Variants in TYW1 observed in about 807,000 individuals in gnomAD.
TYW1 encodes S-adenosyl-L-methionine-dependent tRNA 4-demethylwyosine synthase TYW1.
In TYW1, 46 loss-of-function variants were observed where a neutral mutation model predicts 96.2. The observed-to-expected ratio is 0.48, with a 90% confidence interval of 0.38 to 0.61. The LOEUF (loss-of-function observed/expected upper bound fraction) is 0.61. Ranked by LOEUF, TYW1 falls within the 20% of genes least tolerant of loss-of-function variation. TYW1 has a pLI of 0.00. For missense variants in TYW1, 684 were observed against 909.6 expected (o/e 0.75, Z 3.19); for synonymous variants, 274 against 323.0 (o/e 0.85, Z 1.63).
At chr7:67,189,076 C>T (rs187410935) in intron 14 of TYW1, among the ~76,000 whole-genome samples, 1 of 152,286 alleles carries the variant, frequency 6.6e-6, no homozygotes, top group East Asian at 1.9e-4. Context: ...TAGCACTAAC[C>T]TAATTGGATT....
intron 15 of TYW1, among the ~76,000 whole-genome samples, chr7:67,223,504 C>G (rs1801462411): frequency 6.6e-6 from 1 of 151,774 alleles, no homozygotes; most frequent in Non-Finnish European, 1.5e-5. Flanking sequence ...ATGTCTTAGT[C>G]TTTAATGTAC....
chr7:67,110,416 C>G (rs973982797), intron 12 of TYW1, among the ~76,000 whole-genome samples: 4 of 152,138 alleles, frequency 2.6e-5, no homozygotes, highest in Admixed American at 6.5e-5. Flanking sequence ...CATCCCCTAA[C>G]AAAAACACAG....
At position 67,055,792 on chromosome 7, in the gene TYW1, C is replaced by T. The variant is rs192902292; in HGVS notation, c.1103-43C>T. On this transcript the variant is annotated intron_variant, in intron 8 of 15. Transcript: ENST00000359626. ...TTTAAAGTCACTTTTTGATATGACGCTTTGGATCAGTCCAACTTTGTGTTC... is the reference window on the plus strand; with the variant it reads ...TTTAAAGTCACTTTTTGATATGACGTTTTGGATCAGTCCAACTTTGTGTTC... 283 of 1,536,056 alleles carry T rather than the reference C, an allele frequency of 1.8e-4. 1 individual carries two copies. The highest frequency in any genetic ancestry group is 2.2e-4 in the Non-Finnish European group (253 of 1,137,136).
At chr7:67,204,063 G>A (rs1006148372) in intron 15 of TYW1, among the ~76,000 whole-genome samples, 7 of 152,186 alleles carry the variant, frequency 4.6e-5, no homozygotes, top group Admixed American at 2.0e-4. Flanking sequence ...TCAGAAGTTT[G>A]ATTACAGGTT....
chr7:67,095,440 A>C (rs1482764024), intron 11 of TYW1, among the ~76,000 whole-genome samples: 2 of 151,342 alleles, frequency 1.3e-5, no homozygotes, highest in Non-Finnish European at 1.5e-5. Context: ...TAATCCCAGC[A>C]CTTTGGGAGG....
At chr7:67,047,809 T>TTTTTTG (rs869086599) in intron 7 of TYW1, among the ~76,000 whole-genome samples, 1 of 133,522 alleles carries the variant, frequency 7.5e-6, no homozygotes, top group African/African-American at 2.9e-5. Context: ...TTTTTTTTTT[T>TTTTTTG]GAGGCAGAGT....
intron 13 of TYW1, among the ~76,000 whole-genome samples, chr7:67,130,958 T>C (rs1798053718): frequency 6.6e-6 from 1 of 152,184 alleles, no homozygotes; most frequent in South Asian, 2.1e-4. Flanking sequence ...AGATGTGTGT[T>C]ATGCCTTTTT....
chr7:67,181,823 A>T (rs1563058811), intron 13 of TYW1, among the ~76,000 whole-genome samples: 4 of 151,938 alleles, frequency 2.6e-5, no homozygotes, highest in African/African-American at 9.7e-5. Context: ...ATTTTAAGCC[A>T]TTCTTCTTCT....
chr7:67,071,449 C>T (rs531149441), intron 10 of TYW1, among the ~76,000 whole-genome samples: 39 of 147,912 alleles, frequency 2.6e-4, no homozygotes, highest in South Asian at 1.7e-3. Flanking sequence ...ACATTTCTTT[C>T]GCTTTTTTTT....
intron 15 of TYW1, among the ~76,000 whole-genome samples, chr7:67,231,650 T>G (rs1801751661): frequency 1.3e-5 from 2 of 152,128 alleles, no homozygotes; most frequent in South Asian, 4.1e-4. Flanking sequence ...CAAAAGGCAT[T>G]CAGATTCCTA....
intron 13 of TYW1, among the ~76,000 whole-genome samples, chr7:67,167,992 A>G (rs2116248251): frequency 6.6e-6 from 1 of 152,108 alleles, no homozygotes. Flanking sequence ...TGACCTCATG[A>G]TCCGCCCACC....
intron 3 of TYW1, among the ~76,000 whole-genome samples, chr7:67,001,363 C>T (rs1210568843): frequency 6.6e-6 from 1 of 151,722 alleles, no homozygotes; most frequent in African/African-American, 2.4e-5. Context: ...AGCCATCTTC[C>T]ATCTTAAAGC....
At chr7:67,056,889 T>A (rs1232670925) in intron 9 of TYW1, among the ~76,000 whole-genome samples, 1 of 152,228 alleles carries the variant, frequency 6.6e-6, no homozygotes, top group East Asian at 1.9e-4. Context: ...TACTTTATAC[T>A]TGCTCAGCAA....
intron 12 of TYW1, among the ~76,000 whole-genome samples, chr7:67,114,671 CTT>C (rs1256425121): frequency 6.6e-6 from 1 of 152,124 alleles, no homozygotes; most frequent in African/African-American, 2.4e-5. Flanking sequence ...ATGTAAGACT[CTT>C]TTGCTTTTTG....
chr7:67,123,774 A>G (rs1797831832), intron 13 of TYW1, among the ~76,000 whole-genome samples: 1 of 152,254 alleles, frequency 6.6e-6, no homozygotes, highest in Admixed American at 6.5e-5. Flanking sequence ...TACTGGTTGA[A>G]TTCCATGCAA....
intron 15 of TYW1, among the ~76,000 whole-genome samples, chr7:67,218,266 A>G (rs1253902385): frequency 6.6e-6 from 1 of 151,964 alleles, no homozygotes; most frequent in Non-Finnish European, 1.5e-5. Context: ...TTCATTGTAC[A>G]AGTCTTTCAT....
chr7:67,033,698 C>CTTTT lies in TYW1; in HGVS notation c.984+8688_984+8691dup, dbSNP rs576428706. Among the ~76,000 whole-genome samples the CTTTT allele has an allele frequency of 4.2e-5, 6 of 141,446 alleles. 1 individual carries two copies. The highest frequency in any genetic ancestry group is 3.1e-5 in the Non-Finnish European group (2 of 64,678). The allele number at this position is 141,446 out of a possible 152,430, so 92.8% of individuals were successfully genotyped here. Reference sequence around the variant, plus strand: ...TTTCATCTCTGTGATCTGGGGGACCCTTTTTTTTTTTTTTTGAGACGGAGT... The same window carrying CTTTT: ...TTTCATCTCTGTGATCTGGGGGACCCTTTTTTTTTTTTTTTTTTTGAGACGGAGT... On this transcript the variant is annotated intron_variant, in intron 7 of 15. Coordinates refer to ENST00000359626, the MANE Select transcript of TYW1 (RefSeq NM_018264.4).
At chr7:67,197,326 C>CT (rs35406844) in intron 15 of TYW1, among the ~76,000 whole-genome samples, 3,710 of 142,532 alleles carry the variant, frequency 0.026, 71 homozygotes, top group South Asian at 0.083. Context: ...AGACCTCTGT[C>CT]TTTTTTTTTT....
chr7:67,049,572 A>G (rs1795295541), intron 7 of TYW1, among the ~76,000 whole-genome samples: 1 of 151,696 alleles, frequency 6.6e-6, no homozygotes, highest in Non-Finnish European at 1.5e-5. Flanking sequence ...TTTGAGATGG[A>G]GTCTTTCTCT....
Sources: gnomAD v4.1 joint callset for allele counts (sites outside exome capture counted in the v4.1 genomes callset) on GRCh38, gnomAD v4.1.1 for gene constraint, MANE v1.5 for transcripts, NCBI Gene and HGNC (gene_info 2026-07-23, HGNC 2026-07-21) for gene names.